The following ERBB4 variants were observed in gnomAD, a reference collection of about 807,000 sequenced individuals.
ERBB4 encodes receptor tyrosine-protein kinase erbB-4.
A neutral mutation model predicts 158.0 loss-of-function variants in ERBB4; 42 were observed. The observed-to-expected ratio is 0.27, with a 90% CI of 0.21 to 0.34. The LOEUF (loss-of-function observed/expected upper bound fraction) is 0.34, where lower values mean the gene tolerates loss of function less well. ERBB4 is among the 10% of genes least tolerant of loss of function. ERBB4 has a pLI of 1.00. For synonymous variants in ERBB4, 583 were observed against 558.7 expected (o/e 1.04, Z -0.61); for missense variants, 1,333 against 1,624.1 (o/e 0.82, Z 3.08).
chr2:212,139,210 G>A (rs1444896959), intron 1 of ERBB4, among the ~76,000 whole-genome samples: 1 of 151,976 alleles, frequency 6.6e-6, no homozygotes. Flanking sequence ...GAAGAGCCAA[G>A]GTGACATTTA....
intron 1 of ERBB4, among the ~76,000 whole-genome samples, chr2:212,289,477 G>A (rs988342101): frequency 1.3e-5 from 2 of 152,240 alleles, no homozygotes; most frequent in Admixed American, 6.5e-5. Context: ...GTTATTTCTT[G>A]CAATATTTCA....
chr2:212,063,380 T>C (rs976049459), intron 2 of ERBB4, among the ~76,000 whole-genome samples: 4 of 152,136 alleles, frequency 2.6e-5, no homozygotes, highest in Non-Finnish European at 1.5e-5. Context: ...AAATGTTATC[T>C]TAAATAGTTT....
In ERBB4 at chr2:212,115,626, T is replaced by A. The variant is rs548722855; in HGVS notation, c.234+9126A>T. On this transcript the variant is annotated intron_variant, in intron 2 of 27. Coordinates refer to ENST00000342788, the MANE Select transcript of ERBB4 (RefSeq NM_005235.3). The stretch of plus-strand genomic sequence containing the variant: ...CTGAGCAAAGTATATCAAAGAATCA[T>A]AGAGTAAAATGGATTTGTTACTTGA... Among the ~76,000 whole-genome samples, 22 of 152,290 alleles carry A rather than the reference T, an allele frequency of 1.4e-4. No homozygotes were observed. In the East Asian group the frequency reaches 4.2e-3, roughly 29 times the overall value.
intron 16 of ERBB4, among the ~76,000 whole-genome samples, chr2:211,646,212 C>G (rs1405966998): frequency 6.6e-6 from 1 of 151,328 alleles, no homozygotes; most frequent in Non-Finnish European, 1.5e-5. Flanking sequence ...AGGACTAATA[C>G]ATAGACATAA....
At chr2:211,842,144 T>C (rs992964105) in intron 3 of ERBB4, among the ~76,000 whole-genome samples, 1 of 151,994 alleles carries the variant, frequency 6.6e-6, no homozygotes, top group African/African-American at 2.4e-5. Context: ...AGTTAGTAAT[T>C]AAAACAAGGT....
At chr2:212,490,402 A>T (rs1300273085) in intron 1 of ERBB4, among the ~76,000 whole-genome samples, 1 of 151,410 alleles carries the variant, frequency 6.6e-6, no homozygotes, top group Non-Finnish European at 1.5e-5. Flanking sequence ...TTTCACTTTG[A>T]TATTTTCATG....
chr2:212,402,322 G>A (rs549973934), intron 1 of ERBB4, among the ~76,000 whole-genome samples: 48 of 152,168 alleles, frequency 3.2e-4, no homozygotes, highest in Non-Finnish European at 5.0e-4. Context: ...TTCAGAAATG[G>A]AGGACAGATT....
intron 1 of ERBB4, among the ~76,000 whole-genome samples, chr2:212,348,167 C>A (rs2089097308): frequency 6.6e-6 from 1 of 152,118 alleles, no homozygotes; most frequent in Non-Finnish European, 1.5e-5. Context: ...GTCATTGAAA[C>A]TGAGCTCATA....
intron 1 of ERBB4, among the ~76,000 whole-genome samples, chr2:212,245,375 A>G (rs2084269063): frequency 2.0e-5 from 3 of 152,086 alleles, no homozygotes; most frequent in Admixed American, 2.0e-4. Flanking sequence ...AATTTTCCTT[A>G]TGCTTGAATA....
chr2:211,493,434 C>T (rs948754475), intron 20 of ERBB4, among the ~76,000 whole-genome samples: 2 of 151,886 alleles, frequency 1.3e-5, no homozygotes, highest in African/African-American at 2.4e-5. Context: ...GTACTACTCA[C>T]AGGTTGGGGA....
At chr2:211,860,436 A>T (rs1559584171) in intron 3 of ERBB4, among the ~76,000 whole-genome samples, 2 of 152,176 alleles carry the variant, frequency 1.3e-5, no homozygotes, top group African/African-American at 4.8e-5. Flanking sequence ...TTTAGATTAA[A>T]AACAGATTGC....
chr2:211,580,801 TATATATATATAATATATATATATTA>T (rs1320077383), intron 19 of ERBB4, among the ~76,000 whole-genome samples: 2 of 28,470 alleles, frequency 7.0e-5, no homozygotes, highest in African/African-American at 2.4e-4. Flanking sequence ...TATATATATA[TATATATATATAATATATATATATTA>T]TATATATAGA....
chr2:211,758,538 G>GAT (rs2075336508), intron 4 of ERBB4, among the ~76,000 whole-genome samples: 1 of 152,186 alleles, frequency 6.6e-6, no homozygotes, highest in East Asian at 1.9e-4. Context: ...TCCACCTACT[G>GAT]TGGAACAGAA....
At chr2:212,203,391 G>A (rs1267418528) in intron 1 of ERBB4, among the ~76,000 whole-genome samples, 1 of 152,142 alleles carries the variant, frequency 6.6e-6, no homozygotes, top group African/African-American at 2.4e-5. Flanking sequence ...AGCTGATGTA[G>A]CTGAAGTTGA....
intron 3 of ERBB4, among the ~76,000 whole-genome samples, chr2:211,847,341 A>T (rs948619210): frequency 3.3e-5 from 5 of 152,200 alleles, no homozygotes; most frequent in African/African-American, 9.6e-5. Flanking sequence ...ACCAACAAGT[A>T]GTTACTACAA....
intron 1 of ERBB4, among the ~76,000 whole-genome samples, chr2:212,371,281 A>G (rs866207786): frequency 6.6e-6 from 1 of 152,216 alleles, no homozygotes; most frequent in African/African-American, 2.4e-5. Context: ...CCATTGTTAC[A>G]TTATAACAAA....
At chr2:211,772,955 A>ATATATTTT (rs1553630145) in intron 4 of ERBB4, among the ~76,000 whole-genome samples, 5 of 83,292 alleles carry the variant, frequency 6.0e-5, no homozygotes, top group African/African-American at 2.7e-4. Flanking sequence ...ATATATATAT[A>ATATATTTT]TTTTTTTTTT....
intron 5 of ERBB4, among the ~76,000 whole-genome samples, chr2:211,726,980 T>C (rs1395082836): frequency 6.6e-6 from 1 of 152,150 alleles, no homozygotes; most frequent in Non-Finnish European, 1.5e-5. Context: ...TCACAAGGCA[T>C]TTCTCCATGT....
intron 1 of ERBB4, among the ~76,000 whole-genome samples, chr2:212,435,542 T>G (rs953163293): frequency 6.6e-6 from 1 of 151,984 alleles, no homozygotes; most frequent in Non-Finnish European, 1.5e-5. Context: ...CATACATTCT[T>G]GTTAATTTTT....
Sources: allele counts gnomAD v4.1 joint callset (sites outside exome capture counted in the v4.1 genomes callset), GRCh38; gene constraint gnomAD v4.1.1; transcripts MANE v1.5; gene names NCBI Gene and HGNC (gene_info 2026-07-23, HGNC 2026-07-21).